Variants in NDUFA10 observed in about 807,000 individuals in gnomAD.
NDUFA10 encodes NADH dehydrogenase [ubiquinone] 1 alpha subcomplex subunit 10, mitochondrial.
Under a neutral mutation model 47.8 loss-of-function variants are expected in NDUFA10, and 40 were observed. The ratio of observed to expected loss-of-function variants is 0.84; its 90% CI spans 0.65 to 1.09. The LOEUF (loss-of-function observed/expected upper bound fraction) is 1.09, where lower values mean the gene tolerates loss of function less well. Ranked by LOEUF, NDUFA10 falls within the 50% of genes least tolerant of loss-of-function variation. NDUFA10 has a pLI of 0.00. For missense variants in NDUFA10, 413 were observed against 451.1 expected (o/e 0.92, Z 0.76); for synonymous variants, 183 against 172.2 (o/e 1.06, Z -0.49).
chr2:239,930,520 C>T (rs1287015160), intron 4 of NDUFA10, among the ~76,000 whole-genome samples: 1 of 151,912 alleles, frequency 6.6e-6, no homozygotes, highest in Non-Finnish European at 1.5e-5. Flanking sequence ...GGCAGTGGCT[C>T]CAGTCCCTCT....
In NDUFA10 at chr2:239,990,199, A is replaced by G. The variant is rs1009837787; in HGVS notation, c.891-17T>C. 1.3e-6 allele frequency: 2 copies of G among 1,567,556 alleles called. No individual in the cohort carries two copies. Among genetic ancestry groups the G allele is most frequent in the Non-Finnish European group, 1.8e-6 (2 of 1,137,664 alleles). On this transcript the variant is annotated splice_polypyrimidine_tract_variant and intron_variant, in intron 8 of 9. Coordinates refer to ENST00000252711, the MANE Select transcript of NDUFA10 (RefSeq NM_004544.4). Reference sequence around the variant, plus strand: ...TCCTGAACCCTAAAAAATAAGACACATGTGGATCACACCAAACCATCAAAA... The same window carrying G: ...TCCTGAACCCTAAAAAATAAGACACGTGTGGATCACACCAAACCATCAAAA...
intron 3 of NDUFA10, chr2:240,020,953 T>A (rs943388144): frequency 3.4e-6 from 2 of 587,294 alleles, no homozygotes; most frequent in African/African-American, 1.9e-5. Flanking sequence ...AAGCTTAAAG[T>A]AGTGCCTTGA....
chr2:239,983,814 C>A (rs1695890785), intron 9 of NDUFA10: 2 of 1,491,872 alleles, frequency 1.3e-6, no homozygotes, highest in East Asian at 2.5e-5. Flanking sequence ...AATGTTACAA[C>A]CAAGAGGTAC....
intron 8 of NDUFA10, among the ~76,000 whole-genome samples, chr2:240,001,999 G>T (rs1322495303): frequency 6.6e-6 from 1 of 152,138 alleles, no homozygotes; most frequent in Non-Finnish European, 1.5e-5. Flanking sequence ...CAAAAGCAGT[G>T]CTTTGTGCTT....
At chr2:240,000,606 G>T (rs1456147175) in intron 8 of NDUFA10, among the ~76,000 whole-genome samples, 1 of 152,088 alleles carries the variant, frequency 6.6e-6, no homozygotes, top group Non-Finnish European at 1.5e-5. Flanking sequence ...ACAGTGTACG[G>T]TGATGTCCTA....
chr2:239,919,565 C>T (rs1005397492), intron 4 of NDUFA10, among the ~76,000 whole-genome samples: 1 of 152,108 alleles, frequency 6.6e-6, no homozygotes, highest in African/African-American at 2.4e-5. Flanking sequence ...CATACAGAAA[C>T]AGATTCACCA....
At chr2:239,950,951 C>T (rs189704112) in intron 4 of NDUFA10, among the ~76,000 whole-genome samples, 2 of 152,230 alleles carry the variant, frequency 1.3e-5, no homozygotes, top group Non-Finnish European at 2.9e-5. Context: ...CCACTGGCCA[C>T]CTGCTGGCCA....
At chr2:239,894,447 C>T (rs1404443735) in intron 5 of NDUFA10, among the ~76,000 whole-genome samples, 2 of 152,206 alleles carry the variant, frequency 1.3e-5, no homozygotes, top group Non-Finnish European at 2.9e-5. Flanking sequence ...ACCTCCTCCC[C>T]AGGATGAGAG....
chr2:239,957,563 A>C lies in NDUFA10; in HGVS notation c.*3555T>G, dbSNP rs1315278693. On this transcript the variant is annotated 3_prime_UTR_variant, in exon 10 of 10. Coordinates refer to ENST00000252711, the MANE Select transcript of NDUFA10 (RefSeq NM_004544.4). The stretch of plus-strand genomic sequence containing the variant: ...TTAAGAATTTTAAAACTATACATCA[A>C]TAGTAAAAGCGAATGAGCAAACTTA... 1 of 152,252 alleles carries C rather than the reference A, an allele frequency of 6.6e-6. No homozygotes were observed. The highest frequency in any genetic ancestry group is 1.5e-5 in the Non-Finnish European group (1 of 68,046). The allele number at this position is 152,252 out of a possible 1,614,324, so 9.4% of individuals were successfully genotyped here. A position where few individuals can be genotyped will look rare whatever the true frequency, so the allele number is the denominator to read the frequency against.
At chr2:239,993,277 T>C (rs1696327344) in intron 8 of NDUFA10, among the ~76,000 whole-genome samples, 1 of 152,212 alleles carries the variant, frequency 6.6e-6, no homozygotes, top group Admixed American at 6.5e-5. Context: ...CAATCCCTTG[T>C]CTCCGTAAGT....
In NDUFA10 at chr2:239,924,138, C is replaced by T. The variant is rs1694033606; in HGVS notation, c.295-28824G>A. On this transcript the variant is annotated intron_variant, in intron 4 of 5. Coordinates refer to the NDUFA10 transcript ENST00000419408. ...CCAAACATTCAAAGAGTAATTAGTG[C>T]CAATTATACACAGTCTCTTCCAGAA... Among the ~76,000 whole-genome samples, 4 of 152,138 alleles carry T rather than the reference C, an allele frequency of 2.6e-5. No homozygotes were observed. The South Asian group carries it at 8.3e-4, about 32-fold the overall frequency.
chr2:239,940,795 T>C (rs1282984549), intron 4 of NDUFA10, among the ~76,000 whole-genome samples: 4 of 152,254 alleles, frequency 2.6e-5, no homozygotes, highest in African/African-American at 9.6e-5. Context: ...GGATGGGAGG[T>C]ATTCACTGGA....
chr2:239,965,446 T>G (rs1276624527), intron 9 of NDUFA10, among the ~76,000 whole-genome samples: 1 of 152,142 alleles, frequency 6.6e-6, no homozygotes. Context: ...ATTCATCACA[T>G]GAGAAAACGC....
chr2:239,982,664 TC>T (rs1339371252), intron 9 of NDUFA10, among the ~76,000 whole-genome samples: 1 of 152,204 alleles, frequency 6.6e-6, no homozygotes, highest in Admixed American at 6.5e-5. Context: ...GCCTGTTGTC[TC>T]CAGCTGAACT....
intron 4 of NDUFA10, among the ~76,000 whole-genome samples, chr2:239,948,661 G>T (rs1442208966): frequency 6.6e-6 from 1 of 152,218 alleles, no homozygotes; most frequent in African/African-American, 2.4e-5. Context: ...CAAATACAAG[G>T]ACAAACTAGG....
intron 9 of NDUFA10, among the ~76,000 whole-genome samples, chr2:239,966,999 A>T (rs1195263826): frequency 6.6e-6 from 1 of 151,346 alleles, no homozygotes; most frequent in East Asian, 1.9e-4. Context: ...GCTGTACATC[A>T]CTCTGTGCCT....
intron 4 of NDUFA10, among the ~76,000 whole-genome samples, chr2:239,946,490 C>T (rs916990437): frequency 1.2e-4 from 19 of 152,336 alleles, no homozygotes; most frequent in South Asian, 2.1e-4. Context: ...GCGCTCAGAG[C>T]CACGGAGTGA....
intron 4 of NDUFA10, among the ~76,000 whole-genome samples, chr2:239,936,796 T>TA (rs1694273233): frequency 6.6e-6 from 1 of 151,950 alleles, no homozygotes; most frequent in Non-Finnish European, 1.5e-5. Context: ...CTACTAATAA[T>TA]AAAAAAATTA....
chr2:240,025,090 G>T, intron 1 of NDUFA10, 137 bp downstream of exon 1: 2 of 841,520 alleles, frequency 2.4e-6, no homozygotes, highest in Non-Finnish European at 3.4e-6. Context: ...TCCGGAGGCA[G>T]GAGGGGTCCC....
Sources: gnomAD v4.1 joint callset for allele counts (sites outside exome capture counted in the v4.1 genomes callset) on GRCh38, gnomAD v4.1.1 for gene constraint, MANE v1.5 for transcripts, NCBI Gene and HGNC (gene_info 2026-07-23, HGNC 2026-07-21) for gene names.